The following LYST variants were observed in gnomAD, a reference collection of about 807,000 sequenced individuals.
LYST encodes lysosomal-trafficking regulator.
A neutral mutation model predicts 413.6 loss-of-function variants in LYST; 192 were observed. The ratio of observed to expected loss-of-function variants is 0.46; its 90% confidence interval spans 0.41 to 0.52. The LOEUF (loss-of-function observed/expected upper bound fraction) is 0.52. LYST is among the 20% of genes least tolerant of loss of function. LYST has a pLI of 0.00. For missense variants in LYST, 3,815 were observed against 4,499.9 expected, an observed-to-expected ratio of 0.85 and a Z score of 4.35; for synonymous variants, 1,525 against 1,567.3, an observed-to-expected ratio of 0.97 and a Z score of 0.64.
At chr1:235,789,266 T>TA (rs139381516) in intron 12 of LYST, among the ~76,000 whole-genome samples, 8,242 of 151,620 alleles carry the variant, frequency 0.054, 759 homozygotes, top group African/African-American at 0.19. Flanking sequence ...TGGCATGATT[T>TA]AAAAAAAAAT....
At position 235,709,199 on chromosome 1, in the gene LYST, T is replaced by C. The variant is rs1442604869; in HGVS notation, c.10035A>G (p.Leu3345=). 6 of 1,614,154 alleles carry C rather than the reference T, an allele frequency of 3.7e-6. No individual in the cohort carries two copies. Among genetic ancestry groups the C allele is most frequent in the South Asian group, 1.1e-5 (1 of 91,090 alleles). ...TGTTCTGCGACACGTAGTCAGACTCTAGAGCCTGCCGATGGATGAGGATAA... is the reference window on the plus strand; with the variant it reads ...TGTTCTGCGACACGTAGTCAGACTCCAGAGCCTGCCGATGGATGAGGATAA... The part of the protein sequence containing the change: ...RLFILIHRQA[L]ESDYVSQNIC... The change falls in exon 44 of 53, where the codon CTA becomes CTG. Residue 3345 remains leucine, a synonymous_variant. Coordinates refer to ENST00000389793, the MANE Select transcript of LYST (RefSeq NM_000081.4).
chr1:235,769,270 C>T (rs988769608), intron 20 of LYST, among the ~76,000 whole-genome samples: 48 of 152,118 alleles, frequency 3.2e-4, no homozygotes, highest in African/African-American at 1.1e-3. Flanking sequence ...ATACCATGTA[C>T]TCTGAGACAG....
At position 235,777,088 on chromosome 1, in the gene LYST, C is replaced by G. The variant is rs1455326509; in HGVS notation, c.5435G>C (p.Gly1812Ala). Reference protein sequence around the residue: ...QGILHEIGGTGIFVFLFARVV... With the variant: ...QGILHEIGGTAIFVFLFARVV... Reference sequence around the variant, plus strand: ...CCTGGCAAAGAGAAAAACAAATATGCCAGTTCCACCAATTTCGTGCAGAAT... The same window carrying G: ...CCTGGCAAAGAGAAAAACAAATATGGCAGTTCCACCAATTTCGTGCAGAAT... Residue 1812 changes from glycine (G) to alanine (A), a missense_variant, in exon 17 of 53, where the codon GGC (glycine) becomes GCC (alanine). By Grantham distance (60) the Gly-to-Ala change is moderately conservative. This residue lies in a region of LYST where 530 missense variants were observed against 696.5 expected (regional missense o/e 0.76). Transcript: ENST00000389793. 1 of 1,613,224 alleles carries G rather than the reference C, an allele frequency of 6.2e-7. No homozygotes were observed. The highest frequency in any genetic ancestry group is 1.3e-5 in the African/African-American group (1 of 74,884).
chr1:235,867,934 ATAT>A (rs1680721980), upstream of LYST, among the ~76,000 whole-genome samples: 1 of 152,230 alleles, frequency 6.6e-6, no homozygotes. Context: ...ATAATTCAGG[ATAT>A]TATGTCCCAA....
chr1:235,697,364 G>A (rs1661193324), intron 45 of LYST, 92 bp from the exon 46 acceptor site: 10 of 912,304 alleles, frequency 1.1e-5, no homozygotes, highest in Non-Finnish European at 1.7e-5. Flanking sequence ...GTAAGAGAAA[G>A]TAATATGGAT....
chr1:235,860,958 TTC>T (rs1679791256), intron 1 of LYST, among the ~76,000 whole-genome samples: 1 of 152,222 alleles, frequency 6.6e-6, no homozygotes, highest in South Asian at 2.1e-4. Flanking sequence ...TACTTTTTTT[TTC>T]TTTTTGGTCT....
intron 10 of LYST, 142 bp downstream of exon 10, chr1:235,800,178 C>A (rs1358195307): frequency 8.2e-6 from 5 of 607,956 alleles, no homozygotes; most frequent in Non-Finnish European, 1.5e-5. Context: ...AACTCCCAGG[C>A]TCAAGTGATC....
At chr1:235,716,690 T>C in intron 41 of LYST, 22 bp downstream of exon 41, 1 of 1,480,278 alleles carries the variant, frequency 6.8e-7, no homozygotes, top group Non-Finnish European at 9.4e-7. Context: ...TTTAATAAAG[T>C]ACGAGTAAAA....
intron 14 of LYST, among the ~76,000 whole-genome samples, chr1:235,783,636 C>T (rs1670100839): frequency 6.6e-6 from 1 of 151,556 alleles, no homozygotes; most frequent in Admixed American, 6.6e-5. Flanking sequence ...TATCCCAGAA[C>T]TAAAGTAAAA....
At chr1:235,840,653 G>A (rs1186214753) in intron 1 of LYST, among the ~76,000 whole-genome samples, 1 of 152,132 alleles carries the variant, frequency 6.6e-6, no homozygotes, top group Non-Finnish European at 1.5e-5. Flanking sequence ...CAGGTGACAG[G>A]AAGCCCATGA....
At chr1:235,796,618 G>A (rs1671580062) in intron 10 of LYST, among the ~76,000 whole-genome samples, 1 of 152,182 alleles carries the variant, frequency 6.6e-6, no homozygotes, top group South Asian at 2.1e-4. Flanking sequence ...GGAGGTGACT[G>A]GGTCATGAGG....
rs1317096151 is a variant in LYST, at chr1:235,712,524, C to T, written c.9785-327G>A. Reference sequence around the variant, plus strand: ...GCCCTGGGATATCACCCACACCTTGCACATAATGGGTATTCAATCATGGTT... The same window carrying T: ...GCCCTGGGATATCACCCACACCTTGTACATAATGGGTATTCAATCATGGTT... On this transcript the variant is annotated intron_variant, in intron 42 of 52. Transcript: ENST00000389793. The T allele has an allele frequency of 4.7e-6, 4 of 854,948 alleles. No individual in the cohort carries two copies. In the South Asian group the frequency reaches 1.4e-4, roughly 31 times the overall value. The allele number at this position is 854,948 out of a possible 1,614,324, so 53.0% of individuals were successfully genotyped here.
chr1:235,722,545 GCGTGAT>G (rs1663476650), intron 39 of LYST, among the ~76,000 whole-genome samples: 1 of 152,122 alleles, frequency 6.6e-6, no homozygotes, highest in South Asian at 2.1e-4. Context: ...GAGTGTAATG[GCGTGAT>G]CTTGGCTCGC....
chr1:235,770,380 C>T, intron 19 of LYST, 83 bp from the exon 20 acceptor site: 1 of 1,184,404 alleles, frequency 8.4e-7, no homozygotes, highest in Non-Finnish European at 1.3e-6. Context: ...CAACGCGCAA[C>T]AATTTAACAT....
chr1:235,685,667 G>A (rs1221258878), intron 48 of LYST, among the ~76,000 whole-genome samples: 3 of 151,552 alleles, frequency 2.0e-5, no homozygotes, highest in South Asian at 2.1e-4. Context: ...CCAACATGGC[G>A]AAACCCTGTC....
intron 2 of LYST, among the ~76,000 whole-genome samples, chr1:235,830,657 A>C (rs1675874421): frequency 1.3e-5 from 2 of 152,216 alleles, no homozygotes; most frequent in Admixed American, 6.5e-5. Context: ...AGCATAGCTG[A>C]GAATAGGTAA....
intron 47 of LYST, among the ~76,000 whole-genome samples, chr1:235,693,112 G>A (rs1372721015): frequency 1.3e-5 from 2 of 152,052 alleles, no homozygotes; most frequent in Non-Finnish European, 2.9e-5. Context: ...TCAGGAGATC[G>A]AGACCATCCT....
intron 50 of LYST, among the ~76,000 whole-genome samples, chr1:235,670,506 T>C (rs1658849334): frequency 6.6e-6 from 1 of 152,128 alleles, no homozygotes; most frequent in Non-Finnish European, 1.5e-5. Context: ...TCATCTCTTG[T>C]GAGGAGACGT....
chr1:235,875,955 C>T lies in LYST; in HGVS notation n.454+7232G>A, dbSNP rs113026979. On this transcript the variant is annotated intron_variant and non_coding_transcript_variant, in intron 1 of 11. Transcript: ENST00000465349. ...TTTTTCTTGGCCGGGCATAGTGACT[C>T]GTGCTTGTAATCCCAGCACTTTGGG... Among the ~76,000 whole-genome samples the T allele has an allele frequency of 1.4e-3, 220 of 152,234 alleles. 2 individuals are homozygous for T. Among genetic ancestry groups the T allele is most frequent in the African/African-American group, 5.1e-3 (210 of 41,528 alleles).
Sources: allele counts gnomAD v4.1 joint callset (sites outside exome capture counted in the v4.1 genomes callset), GRCh38; gene constraint gnomAD v4.1.1; regional missense constraint gnomAD v4.1.1; transcripts MANE v1.5; gene names NCBI Gene and HGNC (gene_info 2026-07-23, HGNC 2026-07-21).